The following CPEB2 variants were observed in gnomAD, a reference collection of about 807,000 sequenced individuals.
The protein encoded by CPEB2 is cytoplasmic polyadenylation element binding protein 2.
CPEB2 carries 56 observed loss-of-function variants against 93.6 expected under a neutral mutation model. The ratio of observed to expected loss-of-function variants is 0.60; its 90% confidence interval spans 0.48 to 0.75. CPEB2 has a LOEUF of 0.75. CPEB2 is among the 30% of genes least tolerant of loss of function. The probability of loss-of-function intolerance (pLI) is 0.00; values close to 1 mark genes in which losing one functional copy is unlikely to be tolerated. For synonymous variants in CPEB2, 764 were observed against 586.3 expected (o/e 1.30, Z -4.38); for missense variants, 1,579 against 1,395.1 (o/e 1.13, Z -2.10).
At position 15,002,579 on chromosome 4, in the gene CPEB2, T is replaced by A. The variant is rs1189400787; in HGVS notation, c.-95T>A. ...GTGTCCCTCTCTCACTGACTCCCCCTCCTTCCACCACGGCCGCGCAACCCC... is the reference window on the plus strand; with the variant it reads ...GTGTCCCTCTCTCACTGACTCCCCCACCTTCCACCACGGCCGCGCAACCCC... On this transcript the variant is annotated 5_prime_UTR_variant, in exon 1 of 12. Transcript: ENST00000538197. 30 of 1,032,838 alleles carry A rather than the reference T, an allele frequency of 2.9e-5. No individual in the cohort carries two copies. Among genetic ancestry groups the A allele is most frequent in the Non-Finnish European group, 2.3e-5 (17 of 744,070 alleles). 64.0% of individuals were successfully genotyped at this position (1,032,838 alleles called of 1,614,324 possible).
At chr4:15,012,575 T>A (rs1019526995) in intron 3 of CPEB2, among the ~76,000 whole-genome samples, 8 of 152,130 alleles carry the variant, frequency 5.3e-5, no homozygotes, top group Non-Finnish European at 1.0e-4. Flanking sequence ...CTTATGAGAT[T>A]GAGTACTACG....
At chr4:15,054,535 A>G (rs1301826612) in intron 8 of CPEB2, among the ~76,000 whole-genome samples, 1 of 152,244 alleles carries the variant, frequency 6.6e-6, no homozygotes, top group African/African-American at 2.4e-5. Context: ...ATAACAGCAG[A>G]GCAGTAGAAA....
intron 6 of CPEB2, among the ~76,000 whole-genome samples, chr4:15,047,942 G>T (rs1411387793): frequency 1.4e-5 from 2 of 146,490 alleles, no homozygotes; most frequent in African/African-American, 2.5e-5. Flanking sequence ...ATGAATAGCT[G>T]TTGAGTTTTA....
At chr4:15,016,453 TA>T (rs754217975) in intron 3 of CPEB2, among the ~76,000 whole-genome samples, 47 of 152,154 alleles carry the variant, frequency 3.1e-4, no homozygotes, top group Non-Finnish European at 6.0e-4. Context: ...AAGATTCTGA[TA>T]ACAAGACTTT....
intron 1 of CPEB2, among the ~76,000 whole-genome samples, chr4:15,005,746 T>C (rs1161930461): frequency 6.6e-6 from 1 of 152,220 alleles, no homozygotes; most frequent in African/African-American, 2.4e-5. Context: ...GTGAACAGTT[T>C]TTGTTGAATC....
At position 15,067,130 on chromosome 4, in the gene CPEB2, TG is replaced by T. The variant is rs1729759558; in HGVS notation, c.*751del. ...TGAAAAAAATGCATGTTTACTTACC[TG>T]TATACACCATATGCATGCACTAGAA... On this transcript the variant is annotated 3_prime_UTR_variant, in exon 12 of 12. Transcript: ENST00000538197. 6.6e-6 allele frequency: 1 copy of T among 152,538 alleles called. No homozygotes were observed. Among genetic ancestry groups the T allele is most frequent in the South Asian group, 2.1e-4 (1 of 4,834 alleles). The allele number at this position is 152,538 out of a possible 1,614,324, so 9.4% of individuals were successfully genotyped here.
At chr4:15,061,861 T>A (rs1409215893) in intron 10 of CPEB2, among the ~76,000 whole-genome samples, 3 of 148,252 alleles carry the variant, frequency 2.0e-5, no homozygotes, top group Non-Finnish European at 3.0e-5. Context: ...GTGGGTTTAG[T>A]GCTGTAAGTA....
intron 6 of CPEB2, among the ~76,000 whole-genome samples, chr4:15,050,871 G>A (rs1728159346): frequency 6.6e-6 from 1 of 152,058 alleles, no homozygotes; most frequent in African/African-American, 2.4e-5. Flanking sequence ...TATAACCCAT[G>A]GAGTTGACTC....
chr4:15,040,379 A>T (rs975292434), intron 5 of CPEB2, 85 bp from the exon 6 acceptor site: 6 of 1,314,214 alleles, frequency 4.6e-6, no homozygotes, highest in Non-Finnish European at 6.3e-6. Context: ...AGATGCCCAC[A>T]TAGCTTTTCG....
chr4:15,012,716 A>G (rs889506131), intron 3 of CPEB2, among the ~76,000 whole-genome samples: 1 of 152,172 alleles, frequency 6.6e-6, no homozygotes, highest in African/African-American at 2.4e-5. Flanking sequence ...TTTAAAGTAA[A>G]AATTAGAGAA....
chr4:15,030,741 G>A (rs1013233304), intron 4 of CPEB2, among the ~76,000 whole-genome samples: 2 of 152,022 alleles, frequency 1.3e-5, no homozygotes, highest in African/African-American at 2.4e-5. Context: ...GTAGCGAGCT[G>A]TAGTATTTAT....
chr4:15,004,070 C>A lies in CPEB2; in HGVS notation c.1397C>A (p.Ser466Ter). 6.4e-7 allele frequency: 1 copy of A among 1,566,498 alleles called. No homozygotes were observed. Reference sequence around the variant, plus strand: ...AACCCGGCCTTCTTCCCTAGCTTCTCGCCCGTGTCGCCGCACGGCTGCACT... The same window carrying A: ...AACCCGGCCTTCTTCCCTAGCTTCTAGCCCGTGTCGCCGCACGGCTGCACT... ...SMNPAFFPSF[S>*]PVSPHGCTGL... The change falls in exon 1 of 12, where the codon TCG becomes TAG. Residue 466 changes from serine to a stop codon, truncating the protein, a stop_gained. Coordinates refer to ENST00000538197, the MANE Select transcript of CPEB2 (RefSeq NM_001177382.2). LOFTEE classifies it high-confidence loss of function.
At chr4:15,022,654 T>C (rs1724944151) in intron 4 of CPEB2, among the ~76,000 whole-genome samples, 1 of 152,126 alleles carries the variant, frequency 6.6e-6, no homozygotes, top group African/African-American at 2.4e-5. Flanking sequence ...TTATTAACTT[T>C]TGGAGTAAAT....
intron 4 of CPEB2, among the ~76,000 whole-genome samples, chr4:15,021,190 T>C (rs766503697): frequency 4.6e-5 from 7 of 152,170 alleles, no homozygotes; most frequent in Non-Finnish European, 1.0e-4. Context: ...TTCTTTAGTA[T>C]GAATGGCACT....
chr4:15,007,130 A>G (rs1165393193), intron 1 of CPEB2, among the ~76,000 whole-genome samples, 175 bp from the exon 2 acceptor site: 2 of 152,226 alleles, frequency 1.3e-5, no homozygotes, highest in Non-Finnish European at 1.5e-5. Context: ...GACCAGCATC[A>G]AATATGATTT....
At chr4:15,053,007 T>TTTTA (rs1055672523) in intron 7 of CPEB2, among the ~76,000 whole-genome samples, 5 of 146,128 alleles carry the variant, frequency 3.4e-5, no homozygotes, top group African/African-American at 5.4e-5. Flanking sequence ...TTATTTTTAT[T>TTTTA]TTTATTTATT....
intron 6 of CPEB2, among the ~76,000 whole-genome samples, chr4:15,046,315 T>A (rs1560244379): frequency 6.6e-6 from 1 of 152,106 alleles, no homozygotes; most frequent in Admixed American, 6.5e-5. Flanking sequence ...AACCTCCACC[T>A]CCTAGGTTGA....
At chr4:15,057,361 CTT>C (rs1454973804) in intron 8 of CPEB2, among the ~76,000 whole-genome samples, 1 of 152,032 alleles carries the variant, frequency 6.6e-6, no homozygotes, top group Non-Finnish European at 1.5e-5. Flanking sequence ...TCACATCAGA[CTT>C]TTGTGGCATA....
chr4:15,003,557 A>C lies in CPEB2; in HGVS notation c.884A>C (p.Glu295Ala). 6.9e-7 allele frequency: 1 copy of C among 1,458,790 alleles called. No homozygotes were observed. Among genetic ancestry groups the C allele is most frequent in the Non-Finnish European group, 9.0e-7 (1 of 1,108,390 alleles). 90.4% of individuals were successfully genotyped at this position (1,458,790 alleles called of 1,614,324 possible). A position where few individuals can be genotyped will look rare whatever the true frequency, so the allele number is the denominator to read the frequency against. The change falls in exon 1 of 12, where the codon GAG becomes GCG. Residue 295 changes from glutamate to alanine, a missense_variant. Around this residue, in one of 2 missense-constraint regions of CPEB2, gnomAD observed 1,411 missense variants for 1,056.0 expected, o/e 1.34. Coordinates refer to ENST00000538197, the MANE Select transcript of CPEB2 (RefSeq NM_001177382.2). The stretch of plus-strand genomic sequence containing the variant: ...GCCGCGGGCGAGGGCAGCGCCGCCG[A>C]GTCCCCCAATGCGGGCTTGGCCTCC... ...TPAAGEGSAAESPNAGLASST... is the reference protein window; with the variant it reads ...TPAAGEGSAAASPNAGLASST...
Sources: allele counts gnomAD v4.1 joint callset (sites outside exome capture counted in the v4.1 genomes callset), GRCh38; gene constraint gnomAD v4.1.1; regional missense constraint gnomAD v4.1.1; transcripts MANE v1.5; gene names NCBI Gene and HGNC (gene_info 2026-07-23, HGNC 2026-07-21).